The following ADGRA3 variants were observed in gnomAD, a reference collection of about 807,000 sequenced individuals.
The protein encoded by ADGRA3 is G-protein coupled receptor 125.
A neutral mutation model predicts 119.8 loss-of-function variants in ADGRA3; 56 were observed. The observed-to-expected ratio is 0.47, with a 90% CI of 0.38 to 0.58. The LOEUF is 0.58. Among genes scored for constraint, ADGRA3 ranks in the 20% least tolerant of loss-of-function variants. ADGRA3 has a pLI of 0.00. For missense variants in ADGRA3, 1,516 were observed against 1,649.0 expected (o/e 0.92, Z 1.40); for synonymous variants, 607 against 623.8 (o/e 0.97, Z 0.40).
chr4:22,411,133 TG>T (rs1342192049), intron 14 of ADGRA3, among the ~76,000 whole-genome samples: 3 of 152,270 alleles, frequency 2.0e-5, no homozygotes, highest in Non-Finnish European at 4.4e-5. Flanking sequence ...TGCATTTTTG[TG>T]TATGTTTTGT....
intron 1 of ADGRA3, among the ~76,000 whole-genome samples, chr4:22,491,406 T>C (rs971342210): frequency 1.3e-5 from 2 of 152,174 alleles, no homozygotes; most frequent in African/African-American, 4.8e-5. Flanking sequence ...GGTATAATTT[T>C]TTCTAATACT....
At chr4:22,481,786 T>A (rs1259446300) in intron 1 of ADGRA3, among the ~76,000 whole-genome samples, 9 of 152,222 alleles carry the variant, frequency 5.9e-5, no homozygotes, top group African/African-American at 2.2e-4. Flanking sequence ...AAATATTTAC[T>A]AATTGATCTT....
chr4:22,390,991 T>C (rs1410817775), intron 17 of ADGRA3, among the ~76,000 whole-genome samples: 3 of 152,058 alleles, frequency 2.0e-5, no homozygotes, highest in Non-Finnish European at 2.9e-5. Flanking sequence ...TGCTGCTCCT[T>C]GTCAAACACA....
chr4:22,398,966 C>T (rs1301509013), intron 16 of ADGRA3, among the ~76,000 whole-genome samples: 4 of 152,168 alleles, frequency 2.6e-5, no homozygotes, highest in Non-Finnish European at 5.9e-5. Context: ...TCCCAGGGGA[C>T]GTCCGCTTAC....
chr4:22,515,883 A>T lies in ADGRA3; in HGVS notation c.-99T>A. ...GGAGCGCGGCGCGGGCCCAGCGGCG[A>T]CCGGAGCCTTATGGCGGCCGGAGGA... is the stretch of plus-strand genomic sequence containing the variant. On this transcript the variant is annotated 5_prime_UTR_variant, in exon 1 of 19. Coordinates refer to ENST00000334304, the MANE Select transcript of ADGRA3 (RefSeq NM_145290.4). 1.2e-6 allele frequency: 1 copy of T among 830,288 alleles called. No individual in the cohort carries two copies. 51.4% of individuals were successfully genotyped at this position (830,288 alleles called of 1,614,324 possible). A position where few individuals can be genotyped will look rare whatever the true frequency, so the allele number is the denominator to read the frequency against.
intron 1 of ADGRA3, among the ~76,000 whole-genome samples, chr4:22,486,771 T>C (rs1414755400): frequency 6.6e-6 from 1 of 152,194 alleles, no homozygotes; most frequent in East Asian, 1.9e-4. Context: ...AATACTAGAA[T>C]TTGAATCTTA....
chr4:22,434,606 C>T (rs1323290502), intron 10 of ADGRA3, among the ~76,000 whole-genome samples: 2 of 152,130 alleles, frequency 1.3e-5, no homozygotes, highest in African/African-American at 2.4e-5. Flanking sequence ...AGAAATTGTA[C>T]ATATAAAGTT....
intron 1 of ADGRA3, among the ~76,000 whole-genome samples, chr4:22,504,765 T>C (rs768660454): frequency 6.6e-6 from 1 of 151,962 alleles, no homozygotes; most frequent in Non-Finnish European, 1.5e-5. Context: ...AGATGACAGA[T>C]GGTGACTAGG....
intron 10 of ADGRA3, among the ~76,000 whole-genome samples, chr4:22,428,845 A>T (rs1045106542): frequency 2.6e-5 from 4 of 152,206 alleles, no homozygotes; most frequent in Non-Finnish European, 5.9e-5. Context: ...GCTATTCAAC[A>T]AGAGTCTGAC....
chr4:22,420,488 C>A (rs958048377), intron 12 of ADGRA3: 2 of 209,890 alleles, frequency 9.5e-6, no homozygotes, highest in Non-Finnish European at 1.9e-5. Flanking sequence ...GCTTGGCAGG[C>A]GCAGTGCCAA....
intron 3 of ADGRA3, among the ~76,000 whole-genome samples, chr4:22,459,303 A>G (rs1219611263): frequency 6.6e-6 from 1 of 152,058 alleles, no homozygotes; most frequent in Non-Finnish European, 1.5e-5. Context: ...AACAACACAC[A>G]CTGGGGCCTT....
intron 5 of ADGRA3, among the ~76,000 whole-genome samples, chr4:22,445,698 G>A (rs1716807894): frequency 6.6e-6 from 1 of 152,100 alleles, no homozygotes; most frequent in South Asian, 2.1e-4. Flanking sequence ...CTCCTGCTAT[G>A]TGCCAAGTGA....
intron 11 of ADGRA3, among the ~76,000 whole-genome samples, chr4:22,423,300 C>T (rs1296448017): frequency 2.0e-5 from 3 of 151,786 alleles, no homozygotes; most frequent in African/African-American, 7.3e-5. Flanking sequence ...AAAGAAAATA[C>T]TAAACTTAAT....
chr4:22,459,812 G>A (rs1476328531), intron 3 of ADGRA3, among the ~76,000 whole-genome samples: 2 of 152,182 alleles, frequency 1.3e-5, no homozygotes, highest in Non-Finnish European at 2.9e-5. Flanking sequence ...CTACATTTAT[G>A]TGGTTTCTCC....
rs1342011699 is a variant in ADGRA3 at position 22,413,727 on chromosome 4, G to C, written c.1897C>G (p.Leu633Val). Reference protein sequence around the residue: ...KRELRPTDDSLYKLQLIAFRN... With the variant: ...KRELRPTDDSVYKLQLIAFRN... Reference sequence around the variant, plus strand: ...AATGCAATGAGTTGAAGCTTGTAAAGAGAGTCATCAGTTGGTCTGAGTTCT... The same window carrying C: ...AATGCAATGAGTTGAAGCTTGTAAACAGAGTCATCAGTTGGTCTGAGTTCT... Residue 633 changes from leucine (L) to valine (V), a missense_variant, in exon 13 of 19, where the codon CTT (leucine) becomes GTT (valine). Leu to Val is a conservative substitution (Grantham distance 32). Transcript: ENST00000334304. 1.2e-6 allele frequency: 2 copies of C among 1,613,918 alleles called. No homozygotes were observed. The highest frequency in any genetic ancestry group is 1.1e-5 in the South Asian group (1 of 91,078).
chr4:22,453,794 GTAT>G (rs1165787952), intron 4 of ADGRA3, among the ~76,000 whole-genome samples: 24 of 152,050 alleles, frequency 1.6e-4, no homozygotes, highest in African/African-American at 5.5e-4. Context: ...AAATAAAGCT[GTAT>G]TATAAGTAAT....
chr4:22,420,794 AT>A, intron 12 of ADGRA3, 91 bp downstream of exon 12: 4 of 1,245,380 alleles, frequency 3.2e-6, no homozygotes, highest in Admixed American at 1.9e-5. Flanking sequence ...CAAAAAAAAA[AT>A]CTTTTAATAA....
At chr4:22,424,968 G>A (rs1483146233) in intron 10 of ADGRA3, among the ~76,000 whole-genome samples, 1 of 151,878 alleles carries the variant, frequency 6.6e-6, no homozygotes, top group Non-Finnish European at 1.5e-5. Flanking sequence ...CCAGCTACTT[G>A]GGAGGCTGAG....
intron 1 of ADGRA3, among the ~76,000 whole-genome samples, chr4:22,507,955 C>G (rs1475394563): frequency 2.0e-5 from 3 of 152,138 alleles, no homozygotes; most frequent in Non-Finnish European, 4.4e-5. Context: ...TTCTCATTTG[C>G]TATAATAAGG....
Sources: allele counts gnomAD v4.1 joint callset (sites outside exome capture counted in the v4.1 genomes callset), GRCh38; gene constraint gnomAD v4.1.1; transcripts MANE v1.5; gene names NCBI Gene and HGNC (gene_info 2026-07-23, HGNC 2026-07-21).